Variants in PALS1 observed in about 807,000 individuals in gnomAD.
PALS1 encodes the protein protein associated with LIN7 1, MAGUK p55 family member.
Under a neutral mutation model 78.9 loss-of-function variants are expected in PALS1, and 31 were observed. The ratio of observed to expected loss-of-function variants is 0.39; its 90% confidence interval spans 0.30 to 0.53. The LOEUF is 0.53. Ranked by LOEUF, PALS1 falls within the 20% of genes least tolerant of loss-of-function variation. The probability of loss-of-function intolerance (pLI) is 0.67; values close to 1 mark genes in which losing one functional copy is unlikely to be tolerated. For synonymous variants in PALS1, 276 were observed against 270.9 expected, an observed-to-expected ratio of 1.02 and a Z score of -0.18; for missense variants, 704 against 826.5, an observed-to-expected ratio of 0.85 and a Z score of 1.82.
intron 8 of PALS1, among the ~76,000 whole-genome samples, chr14:67,310,106 A>G (rs565599272): frequency 6.6e-6 from 1 of 151,984 alleles, no homozygotes; most frequent in African/African-American, 2.4e-5. Context: ...AAAACTACAT[A>G]GGAGATTTTT....
intron 4 of PALS1, among the ~76,000 whole-genome samples, chr14:67,300,962 G>A (rs1466798099): frequency 1.3e-5 from 2 of 152,048 alleles, no homozygotes; most frequent in Non-Finnish European, 2.9e-5. Context: ...AAAGTGCTGG[G>A]ATTACAGGTG....
At chr14:67,312,802 A>G (rs763936576) in intron 9 of PALS1, 92 bp downstream of exon 9, 30 of 1,009,644 alleles carry the variant, frequency 3.0e-5, no homozygotes, top group Middle Eastern at 2.3e-4. Context: ...TCATGCCTCT[A>G]TTTAATAAAG....
chr14:67,331,046 A>C (rs1309691049), intron 14 of PALS1, among the ~76,000 whole-genome samples: 3 of 151,060 alleles, frequency 2.0e-5, no homozygotes, highest in Non-Finnish European at 4.4e-5. Flanking sequence ...CTCCTGTGAT[A>C]TTTCTTTCTT....
chr14:67,266,204 C>A (rs1353174364), intron 1 of PALS1, among the ~76,000 whole-genome samples: 1 of 152,032 alleles, frequency 6.6e-6, no homozygotes, highest in African/African-American at 2.4e-5. Context: ...ATTTAAAAGT[C>A]TTTTTAGTTC....
chr14:67,319,050 T>TC (rs1358752566), intron 11 of PALS1, among the ~76,000 whole-genome samples: 1 of 145,718 alleles, frequency 6.9e-6, no homozygotes, highest in African/African-American at 2.7e-5. Context: ...AGAGCGAGAC[T>TC]CCGTCTCAAA....
chr14:67,326,053 G>C (rs148979583), intron 14 of PALS1, among the ~76,000 whole-genome samples: 14 of 136,252 alleles, frequency 1.0e-4, no homozygotes, highest in Non-Finnish European at 1.8e-4. Context: ...TCTCGATCTC[G>C]TGACCTCGTG....
intron 14 of PALS1, among the ~76,000 whole-genome samples, chr14:67,329,728 A>C (rs1357445133): frequency 6.6e-6 from 1 of 152,090 alleles, no homozygotes; most frequent in East Asian, 1.9e-4. Flanking sequence ...AAAATACAAA[A>C]AACATTAGCC....
chr14:67,291,727 T>C (rs2084776797), intron 3 of PALS1, among the ~76,000 whole-genome samples: 1 of 152,230 alleles, frequency 6.6e-6, no homozygotes, highest in Non-Finnish European at 1.5e-5. Context: ...TCATTAGAGT[T>C]TTATAGACCA....
chr14:67,303,505 T>C lies in PALS1; in HGVS notation c.964-17T>C. The C allele has an allele frequency of 6.3e-7, 1 of 1,593,680 alleles. No individual in the cohort carries two copies. Among genetic ancestry groups the C allele is most frequent in the Non-Finnish European group, 8.6e-7 (1 of 1,161,722 alleles). The stretch of plus-strand genomic sequence containing the variant: ...ATAAATGCAAATTTAAAAAATAACC[T>C]GATCTTTCTATTACAGTCTGATATG... On this transcript the variant is annotated splice_polypyrimidine_tract_variant and intron_variant, in intron 7 of 14. Transcript: ENST00000261681.
chr14:67,278,116 G>A (rs1191898892), intron 2 of PALS1, among the ~76,000 whole-genome samples: 3 of 150,374 alleles, frequency 2.0e-5, no homozygotes, highest in East Asian at 2.0e-4. Flanking sequence ...AGCTCACTGC[G>A]GCCTCTGCCT....
At chr14:67,266,860 A>G (rs955857175) in intron 1 of PALS1, among the ~76,000 whole-genome samples, 2 of 152,080 alleles carry the variant, frequency 1.3e-5, no homozygotes, top group African/African-American at 4.8e-5. Context: ...CTGTAATCCC[A>G]GCATGTTGGG....
intron 8 of PALS1, among the ~76,000 whole-genome samples, chr14:67,304,362 G>A (rs1304140855): frequency 6.6e-6 from 1 of 152,168 alleles, no homozygotes; most frequent in Admixed American, 6.5e-5. Flanking sequence ...CATAGCAGCA[G>A]CATTCACAGT....
chr14:67,323,263 A>G (rs111995743), intron 13 of PALS1, among the ~76,000 whole-genome samples: 9,353 of 128,572 alleles, frequency 0.073, 665 homozygotes, highest in African/African-American at 0.22. Flanking sequence ...GTGTGTGTGT[A>G]TATATATATA....
chr14:67,259,353 G>A (rs934376069), intron 1 of PALS1, among the ~76,000 whole-genome samples: 1 of 151,596 alleles, frequency 6.6e-6, no homozygotes, highest in African/African-American at 2.4e-5. Context: ...GCTCACACCT[G>A]TAATCCCAGC....
rs745581535 is a variant in PALS1 at position 67,302,583 on chromosome 14, C to T, written c.963+12C>T. ...TTTTTGACTTGTTGGTAAGTTGACG[C>T]AGCTAGAAGAATAATTGATAGCTTT... On this transcript the variant is annotated intron_variant, in intron 7 of 14. Transcript: ENST00000261681. The T allele has an allele frequency of 4.8e-6, 7 of 1,455,990 alleles. No homozygotes were observed. The highest frequency in any genetic ancestry group is 2.6e-5 in the East Asian group (1 of 38,470). The allele number at this position is 1,455,990 out of a possible 1,614,324, so 90.2% of individuals were successfully genotyped here. A position where few individuals can be genotyped will look rare whatever the true frequency, so the allele number is the denominator to read the frequency against.
chr14:67,266,755 G>A lies in PALS1; in HGVS notation c.-236-2946G>A, dbSNP rs1183470224. On this transcript the variant is annotated intron_variant, in intron 1 of 14. Transcript: ENST00000261681. ...GTTACACAGTTATCAAGTAAATAGA[G>A]TCTTTTATGTGATGTCAGTATACGA... is the stretch of plus-strand genomic sequence containing the variant. 2.0e-5 allele frequency among the ~76,000 whole-genome samples: 3 copies of A among 152,134 alleles called. No individual in the cohort carries two copies. In the East Asian group the frequency reaches 5.8e-4, roughly 29 times the overall value.
chr14:67,273,897 T>C (rs1384382078), intron 2 of PALS1, among the ~76,000 whole-genome samples: 1 of 152,268 alleles, frequency 6.6e-6, no homozygotes, highest in Non-Finnish European at 1.5e-5. Flanking sequence ...TTTTCATGTG[T>C]CTGTTGGCTG....
intron 3 of PALS1, among the ~76,000 whole-genome samples, chr14:67,284,580 A>C (rs994273050): frequency 6.9e-6 from 1 of 144,572 alleles, no homozygotes; most frequent in African/African-American, 2.6e-5. Context: ...AAAAAAAAAA[A>C]AAAAAAAAGG....
chr14:67,327,702 A>T (rs2141034396), intron 14 of PALS1, among the ~76,000 whole-genome samples: 1 of 150,536 alleles, frequency 6.6e-6, no homozygotes, highest in East Asian at 2.0e-4. Context: ...TGGTGTTCTC[A>T]TTGTTCAGTT....
Sources: allele counts gnomAD v4.1 joint callset (sites outside exome capture counted in the v4.1 genomes callset), GRCh38; gene constraint gnomAD v4.1.1; transcripts MANE v1.5; gene names NCBI Gene and HGNC (gene_info 2026-07-23, HGNC 2026-07-21).